The following DDHD1 variants were observed in gnomAD, a reference collection of about 807,000 sequenced individuals.
The protein encoded by DDHD1 is phospholipase DDHD1.
A neutral mutation model predicts 96.4 loss-of-function variants in DDHD1; 49 were observed. That is an observed-to-expected ratio of 0.51 (90% confidence interval 0.40 to 0.64). DDHD1 has a LOEUF of 0.64. Ranked by LOEUF, DDHD1 falls within the 30% of genes least tolerant of loss-of-function variation. DDHD1 has a pLI of 0.00. For synonymous variants in DDHD1, 442 were observed against 446.5 expected (o/e 0.99, Z 0.13); for missense variants, 1,106 against 1,161.2 (o/e 0.95, Z 0.69).
At chr14:53,054,129 C>G in intron 11 of DDHD1, 1 of 233,714 alleles carries the variant, frequency 4.3e-6, no homozygotes, top group South Asian at 1.3e-4. Context: ...TAGTAAAAAT[C>G]TACTTTATAA....
chr14:53,127,623 C>T (rs1889549321), intron 1 of DDHD1, among the ~76,000 whole-genome samples: 1 of 152,130 alleles, frequency 6.6e-6, no homozygotes, highest in African/African-American at 2.4e-5. Flanking sequence ...CACCATTTTC[C>T]CCACCAAGTC....
intron 1 of DDHD1, among the ~76,000 whole-genome samples, chr14:53,117,399 G>T (rs918367306): frequency 5.9e-5 from 9 of 152,206 alleles, no homozygotes; most frequent in African/African-American, 2.2e-4. Context: ...GCCAAGGGAA[G>T]CTGTGACAGA....
At chr14:53,096,654 C>G (rs1886906159) in intron 2 of DDHD1, among the ~76,000 whole-genome samples, 1 of 151,868 alleles carries the variant, frequency 6.6e-6, no homozygotes, top group African/African-American at 2.4e-5. Context: ...CTAATGCAAC[C>G]TTCCTGAGAA....
At chr14:53,132,039 T>C (rs1385318243) in intron 1 of DDHD1, among the ~76,000 whole-genome samples, 1 of 152,188 alleles carries the variant, frequency 6.6e-6, no homozygotes, top group Non-Finnish European at 1.5e-5. Context: ...TTTGCCATCC[T>C]GACAAAACCA....
chr14:53,135,667 T>C (rs1890181034), intron 1 of DDHD1, among the ~76,000 whole-genome samples: 1 of 152,248 alleles, frequency 6.6e-6, no homozygotes, highest in African/African-American at 2.4e-5. Flanking sequence ...ATGTAAGCAC[T>C]GGGTTGTGCC....
At chr14:53,116,459 C>T (rs924554655) in intron 1 of DDHD1, among the ~76,000 whole-genome samples, 6 of 152,128 alleles carry the variant, frequency 3.9e-5, no homozygotes, top group Admixed American at 3.9e-4. Flanking sequence ...TCTAAAATGA[C>T]CACATAATTG....
At chr14:53,078,651 C>T (rs1885171366) in intron 4 of DDHD1, among the ~76,000 whole-genome samples, 2 of 152,002 alleles carry the variant, frequency 1.3e-5, no homozygotes, top group Admixed American at 6.6e-5. Context: ...CATTTGCAAA[C>T]GGAGATAGTT....
chr14:53,101,344 AAT>A (rs1182947731), intron 2 of DDHD1, among the ~76,000 whole-genome samples: 3 of 152,120 alleles, frequency 2.0e-5, no homozygotes, highest in African/African-American at 7.2e-5. Context: ...ACAAGATATA[AAT>A]ATATGTTTAA....
intron 6 of DDHD1, among the ~76,000 whole-genome samples, chr14:53,065,048 C>G (rs889001583): frequency 6.6e-6 from 1 of 152,136 alleles, no homozygotes; most frequent in Non-Finnish European, 1.5e-5. Flanking sequence ...GTGATCTTAA[C>G]TTTATTATCT....
Position 53,037,102 on chromosome 14 carries a change from T to C in DDHD1, c.*9666A>G, listed in dbSNP as rs1013094080. ...TCCATGTGGCTGGCTGCAAAGGACA[T>C]GATTTTGTTCTTTTTATGGCTGCCT... is the stretch of plus-strand genomic sequence containing the variant. On this transcript the variant is annotated 3_prime_UTR_variant, in exon 13 of 13. Coordinates refer to ENST00000673822, the MANE Select transcript of DDHD1 (RefSeq NM_001160148.2). 2 of 152,148 alleles carry C rather than the reference T, an allele frequency of 1.3e-5. No homozygotes were observed. Among genetic ancestry groups the C allele is most frequent in the African/African-American group, 2.4e-5 (1 of 41,450 alleles). The allele number at this position is 152,148 out of a possible 1,614,324, so 9.4% of individuals were successfully genotyped here.
At chr14:53,141,904 C>G (rs1890666438) in intron 1 of DDHD1, among the ~76,000 whole-genome samples, 1 of 151,980 alleles carries the variant, frequency 6.6e-6, no homozygotes, top group African/African-American at 2.4e-5. Flanking sequence ...CCCCCCAACC[C>G]CAAATACAAC....
At chr14:53,061,480 T>TA (rs1420211371) in intron 7 of DDHD1, among the ~76,000 whole-genome samples, 2 of 152,190 alleles carry the variant, frequency 1.3e-5, no homozygotes, top group Non-Finnish European at 2.9e-5. Context: ...ATACATCTTT[T>TA]AAAAAATTAT....
At chr14:53,103,033 G>A in intron 2 of DDHD1, 1 of 1,568,052 alleles carries the variant, frequency 6.4e-7, no homozygotes, top group African/African-American at 1.3e-5. Context: ...ATACTCACCA[G>A]AATAGTTGAT....
chr14:53,103,747 A>G lies in DDHD1; in HGVS notation c.948T>C (p.Phe316=), dbSNP rs1887486374. 6.2e-7 allele frequency: 1 copy of G among 1,613,624 alleles called. No individual in the cohort carries two copies. Residue 316 remains phenylalanine (F), a synonymous_variant, in exon 2 of 13, where the codon TTT becomes TTC. Transcript: ENST00000673822. Reference sequence around the variant, plus strand: ...AATTTTCCTGCATCTGCTGGCCCCTAAAACAATTGAGATGTTCTTGCTCAA... The same window carrying G: ...AATTTTCCTGCATCTGCTGGCCCCTGAAACAATTGAGATGTTCTTGCTCAA... ...NLIEQEHLNC[F]RGQQMQENFD...
intron 8 of DDHD1, among the ~76,000 whole-genome samples, chr14:53,059,983 T>C (rs189622175): frequency 5.3e-5 from 8 of 151,068 alleles, no homozygotes; most frequent in East Asian, 3.9e-4. Context: ...TAACTTACCA[T>C]ATTGTTTTAC....
chr14:53,103,657 A>T (rs753657191), intron 2 of DDHD1, 26 bp downstream of exon 2: 153 of 1,573,442 alleles, frequency 9.7e-5, no homozygotes, highest in Non-Finnish European at 1.2e-4. Flanking sequence ...TTTGTAGAAT[A>T]TATTAAATGT....
intron 4 of DDHD1, among the ~76,000 whole-genome samples, chr14:53,080,211 ATTAGC>A (rs1413583177): frequency 6.6e-6 from 1 of 152,124 alleles, no homozygotes; most frequent in Non-Finnish European, 1.5e-5. Context: ...AAAACATAAA[ATTAGC>A]TGGGTGTGGT....
chr14:53,054,628 C>A lies in DDHD1; in HGVS notation c.2247G>T (p.Gly749=), dbSNP rs1882884228. The change falls in exon 11 of 13, where the codon GGG becomes GGT. Residue 749 remains glycine (G), a splice_region_variant and synonymous_variant. Coordinates refer to ENST00000673822, the MANE Select transcript of DDHD1 (RefSeq NM_001160148.2). ...ITNIGKASIL[G]AASIGKGLGG... ...CAAGTCCCTTTCCAATGCTAGCAGCCCCTGTATTTCACAAAGCAGGGTAGT... is the reference window on the plus strand; with the variant it reads ...CAAGTCCCTTTCCAATGCTAGCAGCACCTGTATTTCACAAAGCAGGGTAGT... 1.9e-6 allele frequency: 3 copies of A among 1,613,034 alleles called. No individual in the cohort carries two copies. The highest frequency in any genetic ancestry group is 2.5e-6 in the Non-Finnish European group (3 of 1,179,326).
chr14:53,150,350 C>T (rs1891259860), intron 1 of DDHD1, among the ~76,000 whole-genome samples: 2 of 152,180 alleles, frequency 1.3e-5, no homozygotes, highest in South Asian at 4.1e-4. Context: ...ACTGTATTCC[C>T]CCACTAGACT....
Sources: gnomAD v4.1 joint callset for allele counts (sites outside exome capture counted in the v4.1 genomes callset) on GRCh38, gnomAD v4.1.1 for gene constraint, MANE v1.5 for transcripts, NCBI Gene and HGNC (gene_info 2026-07-23, HGNC 2026-07-21) for gene names.